Variants in PHACTR1 observed in about 807,000 individuals in gnomAD.
PHACTR1 encodes phosphatase and actin regulator 1, also known as RPEL repeat containing 1.
A neutral mutation model predicts 69.2 loss-of-function variants in PHACTR1; 16 were observed. That is an observed-to-expected ratio of 0.23 (90% CI 0.16 to 0.35). The LOEUF is 0.35. Ranked by LOEUF, PHACTR1 falls within the 10% of genes least tolerant of loss-of-function variation. PHACTR1 has a pLI of 1.00. For synonymous variants in PHACTR1, 312 were observed against 284.5 expected, an observed-to-expected ratio of 1.10 and a Z score of -0.97; for missense variants, 510 against 734.7, an observed-to-expected ratio of 0.69 and a Z score of 3.54.
rs559692350 is a variant in PHACTR1, at chr6:12,806,689, A to G, written c.250+56899A>G. On this transcript the variant is annotated intron_variant, in intron 4 of 14. Transcript: ENST00000332995. ...CATTCCTAGCATGCTTTAATACTAG[A>G]AAATTATCTTTTATACAGTATTATT... Among the ~76,000 whole-genome samples, 50 of 152,288 alleles carry G rather than the reference A, an allele frequency of 3.3e-4. 1 individual carries two copies. The highest frequency in any genetic ancestry group is 3.4e-3 in the Middle Eastern group (1 of 294).
chr6:12,779,387 C>CA (rs796498158), intron 4 of PHACTR1, among the ~76,000 whole-genome samples: 192 of 150,020 alleles, frequency 1.3e-3, no homozygotes, highest in African/African-American at 3.4e-3. Flanking sequence ...TTTAATTTTT[C>CA]AAAAAAAAAG....
chr6:12,753,962 A>T (rs1361837473), intron 4 of PHACTR1, among the ~76,000 whole-genome samples: 12 of 70,656 alleles, frequency 1.7e-4, no homozygotes, highest in African/African-American at 8.0e-4. Flanking sequence ...ATATATATAT[A>T]TATATATATT....
chr6:13,056,536 A>G lies in PHACTR1; in HGVS notation c.415+3007A>G, dbSNP rs560672988. On this transcript the variant is annotated intron_variant, in intron 5 of 14. Transcript: ENST00000332995. Reference sequence around the variant, plus strand: ...GTATACCTATCTTTGTCTTGTATGTATGTGTTGTTAAAGGAAAAGTTATTC... The same window carrying G: ...GTATACCTATCTTTGTCTTGTATGTGTGTGTTGTTAAAGGAAAAGTTATTC... 3.3e-5 allele frequency among the ~76,000 whole-genome samples: 5 copies of G among 152,234 alleles called. No individual in the cohort carries two copies. In the South Asian group the frequency reaches 1.0e-3, roughly 32 times the overall value.
intron 4 of PHACTR1, among the ~76,000 whole-genome samples, chr6:12,983,393 AGGGCG>A (rs938098505): frequency 6.6e-6 from 1 of 152,206 alleles, no homozygotes; most frequent in African/African-American, 2.4e-5. Context: ...GGAGAAGTAG[AGGGCG>A]GGAAGAGCAC....
At chr6:13,047,494 G>A (rs989941100) in intron 4 of PHACTR1, among the ~76,000 whole-genome samples, 1 of 151,908 alleles carries the variant, frequency 6.6e-6, no homozygotes, top group Non-Finnish European at 1.5e-5. Context: ...TGAAATAAGG[G>A]AGGTATATAA....
chr6:12,897,715 T>G (rs1381987920), intron 4 of PHACTR1, among the ~76,000 whole-genome samples: 1 of 150,606 alleles, frequency 6.6e-6, no homozygotes. Flanking sequence ...TTATTATTAT[T>G]ATTATTATTA....
intron 10 of PHACTR1, among the ~76,000 whole-genome samples, chr6:13,251,239 C>G (rs1007019834): frequency 1.3e-5 from 2 of 152,152 alleles, no homozygotes; most frequent in Non-Finnish European, 2.9e-5. Flanking sequence ...TGGCCATAGG[C>G]GGGCGCTCTC....
intron 3 of PHACTR1, among the ~76,000 whole-genome samples, chr6:12,721,020 C>T (rs1308567533): frequency 6.6e-6 from 1 of 152,202 alleles, no homozygotes; most frequent in African/African-American, 2.4e-5. Context: ...GTGTCTGCCA[C>T]ATAAGAAATG....
intron 5 of PHACTR1, among the ~76,000 whole-genome samples, chr6:13,153,193 T>C (rs1397806408): frequency 6.6e-6 from 1 of 152,144 alleles, no homozygotes; most frequent in Non-Finnish European, 1.5e-5. Flanking sequence ...GCATCAGTAA[T>C]ACAGAATAAA....
chr6:12,886,824 C>T (rs1712690672), intron 4 of PHACTR1, among the ~76,000 whole-genome samples: 1 of 151,582 alleles, frequency 6.6e-6, no homozygotes, highest in African/African-American at 2.4e-5. Context: ...CAGGTGGAAT[C>T]TTAAGGAATG....
intron 4 of PHACTR1, among the ~76,000 whole-genome samples, chr6:12,752,599 T>C (rs1287747788): frequency 1.4e-4 from 22 of 152,258 alleles, no homozygotes. Flanking sequence ...TACATATACA[T>C]ATATTCCTTT....
At chr6:12,868,834 T>G (rs1309396855) in intron 4 of PHACTR1, among the ~76,000 whole-genome samples, 3 of 151,814 alleles carry the variant, frequency 2.0e-5, no homozygotes, top group Non-Finnish European at 4.4e-5. Context: ...AAAAAGAAAA[T>G]AATAGCTTCA....
intron 4 of PHACTR1, among the ~76,000 whole-genome samples, chr6:12,889,900 C>T (rs1784011664): frequency 6.6e-6 from 1 of 151,168 alleles, no homozygotes; most frequent in Non-Finnish European, 1.5e-5. Context: ...GAAACCACAT[C>T]CTGGCAGTTT....
At chr6:13,272,565 C>A in intron 10 of PHACTR1, 1 of 644,896 alleles carries the variant, frequency 1.6e-6, no homozygotes, top group Non-Finnish European at 2.5e-6. Context: ...AGAAAAGAGT[C>A]CCGTCTGAGT....
chr6:12,742,438 T>C (rs191284019), intron 3 of PHACTR1, among the ~76,000 whole-genome samples: 8 of 152,250 alleles, frequency 5.3e-5, no homozygotes, highest in Admixed American at 4.6e-4. Flanking sequence ...TCAATCTGGT[T>C]GCCATCTTGG....
At chr6:13,212,861 A>G (rs904044598) in intron 8 of PHACTR1, among the ~76,000 whole-genome samples, 3 of 151,976 alleles carry the variant, frequency 2.0e-5, no homozygotes, top group African/African-American at 4.8e-5. Context: ...CACATCCTCA[A>G]TGAGGCCCTT....
chr6:12,848,799 C>T (rs9296487), intron 4 of PHACTR1, among the ~76,000 whole-genome samples: 72,058 of 152,030 alleles, frequency 0.47, 20,243 homozygotes, highest in East Asian at 0.81. Context: ...AGAAATCTAC[C>T]TCAATTTAAA....
chr6:12,972,477 C>A (rs1794339638), intron 4 of PHACTR1, among the ~76,000 whole-genome samples: 1 of 152,110 alleles, frequency 6.6e-6, no homozygotes, highest in Admixed American at 6.5e-5. Context: ...AGACCAAAAT[C>A]AATCTCACTG....
intron 4 of PHACTR1, among the ~76,000 whole-genome samples, chr6:12,861,278 A>G (rs1453057105): frequency 6.6e-6 from 1 of 152,216 alleles, no homozygotes; most frequent in African/African-American, 2.4e-5. Flanking sequence ...AAGTCACCCA[A>G]CGCTACTATT....
Sources: allele counts gnomAD v4.1 joint callset (sites outside exome capture counted in the v4.1 genomes callset), GRCh38; gene constraint gnomAD v4.1.1; transcripts MANE v1.5; gene names NCBI Gene and HGNC (gene_info 2026-07-23, HGNC 2026-07-21).